RASSF3: variants seen among roughly 807,000 people sequenced by gnomAD.
RASSF3 encodes the protein Ras association domain family member 3, also known as ras association domain-containing protein 3.
A neutral mutation model predicts 19.9 loss-of-function variants in RASSF3; 19 were observed. That is an observed-to-expected ratio of 0.96 (90% CI 0.67 to 1.40). The LOEUF is 1.40. RASSF3 is among the 40% of genes most tolerant of loss of function. The pLI, the probability that RASSF3 is intolerant of heterozygous loss-of-function variation, is 0.00. For synonymous variants in RASSF3, 110 were observed against 104.2 expected (o/e 1.06, Z -0.34); for missense variants, 306 against 289.8 (o/e 1.06, Z -0.41).
intron 2 of RASSF3, 101 bp from the exon 3 acceptor site, chr12:64,688,115 G>T (rs1222697778): frequency 7.3e-6 from 6 of 826,278 alleles, no homozygotes; most frequent in Non-Finnish European, 1.2e-5. Context: ...CAAGAGAAGA[G>T]AACAAAGGAG....
chr12:64,629,714 C>T (rs1270825602), intron 1 of RASSF3, among the ~76,000 whole-genome samples: 1 of 151,774 alleles, frequency 6.6e-6, no homozygotes, highest in African/African-American at 2.4e-5. Flanking sequence ...CCTGTAATCC[C>T]AGCACTTTGG....
chr12:64,587,117 G>A (rs192236032), intron 2 of RASSF3, among the ~76,000 whole-genome samples: 1,145 of 53,622 alleles, frequency 0.021, 11 homozygotes, highest in Admixed American at 0.036. Flanking sequence ...GCAATGGTGC[G>A]ATCTTGGCTC....
At chr12:64,689,017 G>C (rs1406734099) in intron 3 of RASSF3, among the ~76,000 whole-genome samples, 1 of 152,118 alleles carries the variant, frequency 6.6e-6, no homozygotes, top group African/African-American at 2.4e-5. Flanking sequence ...TCCCCCAGAG[G>C]CTCATCAAAT....
At chr12:64,626,007 C>T (rs1870977190) in intron 1 of RASSF3, among the ~76,000 whole-genome samples, 3 of 152,196 alleles carry the variant, frequency 2.0e-5, no homozygotes, top group Non-Finnish European at 2.9e-5. Flanking sequence ...ATCTCTCCAC[C>T]CCCAACCTCC....
chr12:64,589,301 T>C (rs1368808699), intron 2 of RASSF3, among the ~76,000 whole-genome samples: 2 of 151,968 alleles, frequency 1.3e-5, no homozygotes, highest in East Asian at 1.9e-4. Flanking sequence ...AATATAAAAA[T>C]TAGCCGGGTG....
At chr12:64,656,338 G>A (rs894465507) in intron 1 of RASSF3, among the ~76,000 whole-genome samples, 2 of 152,088 alleles carry the variant, frequency 1.3e-5, no homozygotes, top group South Asian at 4.1e-4. Context: ...TGGGCCTGGG[G>A]TTTCTTTGTG....
At chr12:64,679,634 C>T (rs776531037) in intron 1 of RASSF3, among the ~76,000 whole-genome samples, 93 of 152,130 alleles carry the variant, frequency 6.1e-4, no homozygotes, top group Admixed American at 1.9e-3. Context: ...TGAGAAAGTT[C>T]GCTACTGAAA....
At chr12:64,527,161 G>A (rs891517355) in intron 1 of RASSF3, among the ~76,000 whole-genome samples, 1 of 152,186 alleles carries the variant, frequency 6.6e-6, no homozygotes, top group Non-Finnish European at 1.5e-5. Flanking sequence ...TCTGAGAACT[G>A]CTGAATTGCA....
chr12:64,597,348 G>A (rs1380868685), intron 2 of RASSF3, among the ~76,000 whole-genome samples: 1 of 151,836 alleles, frequency 6.6e-6, no homozygotes, highest in Non-Finnish European at 1.5e-5. Context: ...GGCCAGGCTG[G>A]TCTCAATTTC....
intron 1 of RASSF3, among the ~76,000 whole-genome samples, chr12:64,681,155 TC>T: frequency 6.6e-6 from 1 of 152,346 alleles, no homozygotes; most frequent in African/African-American, 2.4e-5. Context: ...TTACCCCTTT[TC>T]CTTCTCCTCA....
downstream of RASSF3, among the ~76,000 whole-genome samples, chr12:64,545,915 G>A (rs1221813099): frequency 1.3e-5 from 2 of 151,948 alleles, no homozygotes; most frequent in African/African-American, 2.4e-5. Flanking sequence ...CTAACACAGT[G>A]AAACCCCGTC....
chr12:64,594,117 A>G (rs111762389), intron 2 of RASSF3, among the ~76,000 whole-genome samples: 1,676 of 151,936 alleles, frequency 0.011, 35 homozygotes, highest in African/African-American at 0.038. Flanking sequence ...AGGATTGTTC[A>G]AGCCCAGGAG....
chr12:64,531,060 T>A (rs1868697521), upstream of RASSF3, among the ~76,000 whole-genome samples: 1 of 152,212 alleles, frequency 6.6e-6, no homozygotes, highest in African/African-American at 2.4e-5. Flanking sequence ...AAGTCAAGCT[T>A]ATCAATTTTT....
intron 1 of RASSF3, among the ~76,000 whole-genome samples, chr12:64,630,545 A>G (rs11175476): frequency 0.11 from 16,627 of 152,160 alleles, 1,060 homozygotes; most frequent in East Asian, 0.29. Flanking sequence ...ACGAAATTTA[A>G]AAAAAGGGTG....
At chr12:64,664,474 C>T (rs985216989) in intron 1 of RASSF3, among the ~76,000 whole-genome samples, 1 of 152,178 alleles carries the variant, frequency 6.6e-6, no homozygotes, top group African/African-American at 2.4e-5. Context: ...TCCCTAAGTG[C>T]TGGGATTACA....
downstream of RASSF3, among the ~76,000 whole-genome samples, chr12:64,545,656 A>C (rs976431080): frequency 2.6e-5 from 4 of 152,276 alleles, no homozygotes; most frequent in South Asian, 2.1e-4. Context: ...GGCGGGCCGC[A>C]ATGGCTCATG....
chr12:64,526,782 G>A (rs56258935), intron 1 of RASSF3, among the ~76,000 whole-genome samples: 5,411 of 152,298 alleles, frequency 0.036, 129 homozygotes, highest in Non-Finnish European at 0.054. Flanking sequence ...CTGGCCTCAA[G>A]TGATCCTCTT....
chr12:64,580,050 A>G (rs1304658620), intron 2 of RASSF3, among the ~76,000 whole-genome samples: 1 of 151,372 alleles, frequency 6.6e-6, no homozygotes, highest in Admixed American at 6.6e-5. Context: ...CCTGACTTCA[A>G]GTGATCTGCC....
chr12:64,671,887 A>C (rs1195241698), intron 1 of RASSF3, among the ~76,000 whole-genome samples: 1 of 152,198 alleles, frequency 6.6e-6, no homozygotes, highest in South Asian at 2.1e-4. Flanking sequence ...CATGCCTTTT[A>C]AGGGCTGTGA....
Sources: gnomAD v4.1 joint callset for allele counts (sites outside exome capture counted in the v4.1 genomes callset) on GRCh38, gnomAD v4.1.1 for gene constraint, MANE v1.5 for transcripts, NCBI Gene and HGNC (gene_info 2026-07-23, HGNC 2026-07-21) for gene names.